DEFA3: variants seen among roughly 807,000 people sequenced by gnomAD.
The protein encoded by DEFA3 is neutrophil defensin 3.
For missense variants in DEFA3, 8 were observed against 128.1 expected, an observed-to-expected ratio of 0.06 and a Z score of 4.53; for synonymous variants, 3 against 47.2, an observed-to-expected ratio of 0.06 and a Z score of 3.84.
chr8:7,018,005 C>A (rs1332941721), intron 1 of DEFA3, among the ~76,000 whole-genome samples: 1 of 87,952 alleles, frequency 1.1e-5, no homozygotes, highest in Non-Finnish European at 2.4e-5. Flanking sequence ...GACATGTCAA[C>A]CAGGACATGT....
intron 1 of DEFA3, among the ~76,000 whole-genome samples, chr8:7,017,895 T>C: frequency 6.6e-6 from 1 of 152,232 alleles, no homozygotes; most frequent in Non-Finnish European, 1.5e-5. Flanking sequence ...TTCCAACAAC[T>C]CAATAGCAAA....
intron 1 of DEFA3, among the ~76,000 whole-genome samples, 179 bp downstream of exon 1, chr8:7,018,043 C>T (rs944235634): frequency 6.6e-6 from 1 of 150,798 alleles, no homozygotes; most frequent in East Asian, 2.0e-4. Flanking sequence ...GCTTGAGTTT[C>T]TCTATTAAGT....
In DEFA3 at chr8:7,015,869, T is replaced by C; in HGVS notation, c.*121A>G. 1.1e-6 allele frequency: 1 copy of C among 938,676 alleles called. No homozygotes were observed. The highest frequency in any genetic ancestry group is 3.3e-4 in the Middle Eastern group (1 of 3,050). 58.1% of individuals were successfully genotyped at this position (938,676 alleles called of 1,614,324 possible). A position where few individuals can be genotyped will look rare whatever the true frequency, so the allele number is the denominator to read the frequency against. ...CATTAAAGAGGTGGAAACACAGAAA[T>C]CTTGTAACAAGGCATTTATTTGAGA... On this transcript the variant is annotated 3_prime_UTR_variant, in exon 3 of 3. Coordinates refer to ENST00000327857, the MANE Select transcript of DEFA3 (RefSeq NM_005217.4).
intron 2 of DEFA3, among the ~76,000 whole-genome samples, chr8:7,016,460 G>A (rs1003510071): frequency 3.4e-5 from 5 of 146,528 alleles, no homozygotes; most frequent in Non-Finnish European, 7.5e-5. Flanking sequence ...CTTAAACTTA[G>A]TGAATTTCAC....
At chr8:7,016,507 G>A (rs1352844253) in intron 2 of DEFA3, among the ~76,000 whole-genome samples, 169 bp downstream of exon 2, 2 of 148,222 alleles carry the variant, frequency 1.3e-5, no homozygotes, top group African/African-American at 2.5e-5. Context: ...GAGAAATAAA[G>A]TTTCTCAGGT....
chr8:7,016,311 C>T (rs1327922503), intron 2 of DEFA3, among the ~76,000 whole-genome samples: 2 of 152,032 alleles, frequency 1.3e-5, no homozygotes, highest in Admixed American at 1.3e-4. Flanking sequence ...TTTTGCATTC[C>T]TGCCCCATCA....
rs542849644 is a variant in DEFA3, at chr8:7,016,303, T to C, written c.176-204A>G. ...GACTCATTCTCCTTTGCTCTCATTT[T>C]TGCATTCCTGCCCCATCACACACAC... On this transcript the variant is annotated intron_variant, in intron 2 of 2. Coordinates refer to ENST00000327857, the MANE Select transcript of DEFA3 (RefSeq NM_005217.4). Among the ~76,000 whole-genome samples, 3 of 152,230 alleles carry C rather than the reference T, an allele frequency of 2.0e-5. No individual in the cohort carries two copies. In the South Asian group the frequency reaches 6.2e-4, roughly 32 times the overall value.
chr8:7,016,435 T>C (rs536401260), intron 2 of DEFA3, among the ~76,000 whole-genome samples: 2 of 145,244 alleles, frequency 1.4e-5, no homozygotes, highest in African/African-American at 5.3e-5. Flanking sequence ...AAATAACTAG[T>C]CTGTCTCTTC....
Position 7,018,286 on chromosome 8 carries a change from A to G in DEFA3, c.-77T>C, listed in dbSNP as rs1811067743. On this transcript the variant is annotated 5_prime_UTR_variant, in exon 1 of 3. Transcript: ENST00000327857. ...AGCAGTCCTCTGTCCCAGGTCTTCTATAGCAAGGAGCAGCCGTGCACAAGT... is the reference window on the plus strand; with the variant it reads ...AGCAGTCCTCTGTCCCAGGTCTTCTGTAGCAAGGAGCAGCCGTGCACAAGT... The G allele has an allele frequency of 1.3e-5, 2 of 149,082 alleles. No individual in the cohort carries two copies. 9.2% of individuals were successfully genotyped at this position (149,082 alleles called of 1,614,324 possible). A position where few individuals can be genotyped will look rare whatever the true frequency, so the allele number is the denominator to read the frequency against.
At chr8:7,016,331 C>G (rs867019744) in intron 2 of DEFA3, among the ~76,000 whole-genome samples, 1,178 of 146,594 alleles carry the variant, frequency 8.0e-3, no homozygotes, top group Middle Eastern at 0.018. Flanking sequence ...ACACACACAC[C>G]TGAACATACC....
intron 1 of DEFA3, among the ~76,000 whole-genome samples, 187 bp from the exon 2 acceptor site, chr8:7,017,049 C>G (rs1377318855): frequency 7.5e-6 from 1 of 133,166 alleles, no homozygotes; most frequent in Non-Finnish European, 1.7e-5. Context: ...CAGTTTCATG[C>G]TAGTATACAT....
At chr8:7,017,904 A>T (rs1383169771) in intron 1 of DEFA3, among the ~76,000 whole-genome samples, 1 of 152,262 alleles carries the variant, frequency 6.6e-6, no homozygotes, top group Non-Finnish European at 1.5e-5. Flanking sequence ...CTCAATAGCA[A>T]AAATCAAACA....
intron 1 of DEFA3, among the ~76,000 whole-genome samples, 151 bp downstream of exon 1, chr8:7,018,071 C>T (rs903539189): frequency 3.3e-5 from 5 of 150,106 alleles, no homozygotes; most frequent in Admixed American, 1.3e-4. Flanking sequence ...AAGCCATCGT[C>T]CCCAGCAGTC....
Position 7,015,941 on chromosome 8 carries a change from C to G in DEFA3, c.*49G>C, listed in dbSNP as rs749150231. ...AAGGTACAGGAGTAATAGCAATTCC[C>G]TGTAGCTCTCAAAGCAAATTTTGAG... On this transcript the variant is annotated 3_prime_UTR_variant, in exon 3 of 3. Coordinates refer to ENST00000327857, the MANE Select transcript of DEFA3 (RefSeq NM_005217.4). 1 of 1,299,208 alleles carries G rather than the reference C, an allele frequency of 7.7e-7. No homozygotes were observed. Among genetic ancestry groups the G allele is most frequent in the Non-Finnish European group, 1.1e-6 (1 of 910,718 alleles). The allele number at this position is 1,299,208 out of a possible 1,614,324, so 80.5% of individuals were successfully genotyped here.
chr8:7,018,236 G>A lies in DEFA3; in HGVS notation c.-27C>T, dbSNP rs1404305207. ...GTAGTACTTACAGATCCTCTAGCTA[G>A]GCAGGGTGACCAGAGAGGGCAGACA... is the stretch of plus-strand genomic sequence containing the variant. On this transcript the variant is annotated 5_prime_UTR_variant, in exon 1 of 3. Transcript: ENST00000327857. The A allele has an allele frequency of 6.7e-6, 1 of 149,748 alleles. No individual in the cohort carries two copies. The highest frequency in any genetic ancestry group is 6.7e-5 in the Admixed American group (1 of 14,858). The allele number at this position is 149,748 out of a possible 1,614,324, so 9.3% of individuals were successfully genotyped here.
intron 1 of DEFA3, among the ~76,000 whole-genome samples, chr8:7,017,902 C>CA (rs1303077914): frequency 6.6e-6 from 1 of 152,242 alleles, no homozygotes; most frequent in Non-Finnish European, 1.5e-5. Context: ...AACTCAATAG[C>CA]AAAAATCAAA....
intron 1 of DEFA3, among the ~76,000 whole-genome samples, chr8:7,017,978 T>C (rs74345753): frequency 0.11 from 16,063 of 145,572 alleles, 608 homozygotes; most frequent in East Asian, 0.18. Context: ...TCCAAAGACC[T>C]GTGATAGTCT....
At chr8:7,016,370 T>A in intron 2 of DEFA3, among the ~76,000 whole-genome samples, 1 of 69,882 alleles carries the variant, frequency 1.4e-5, no homozygotes, top group African/African-American at 8.3e-5. Flanking sequence ...TTTTAAAAGC[T>A]CTTCTGTAGA....
intron 2 of DEFA3, among the ~76,000 whole-genome samples, chr8:7,016,313 G>A (rs921597249): frequency 4.1e-4 from 63 of 152,018 alleles, no homozygotes; most frequent in African/African-American, 1.5e-3. Context: ...TTGCATTCCT[G>A]CCCCATCACA....
Sources: gnomAD v4.1 joint callset for allele counts (sites outside exome capture counted in the v4.1 genomes callset) on GRCh38, gnomAD v4.1.1 for gene constraint, MANE v1.5 for transcripts, NCBI Gene and HGNC (gene_info 2026-07-23, HGNC 2026-07-21) for gene names.